GRIN2A: variants seen among roughly 807,000 people sequenced by gnomAD.
GRIN2A encodes glutamate receptor ionotropic, NMDA 2A.
A neutral mutation model predicts 113.4 loss-of-function variants in GRIN2A; 22 were observed. That is an observed-to-expected ratio of 0.19 (90% CI 0.14 to 0.28). The LOEUF is 0.28. GRIN2A is among the 10% of genes least tolerant of loss of function. The pLI is 1.00. For synonymous variants in GRIN2A, 827 were observed against 738.4 expected, an observed-to-expected ratio of 1.12 and a Z score of -1.94; for missense variants, 1,502 against 1,887.0, an observed-to-expected ratio of 0.80 and a Z score of 3.78.
At chr16:9,908,790 G>A (rs960381152) in intron 3 of GRIN2A, among the ~76,000 whole-genome samples, 7 of 152,206 alleles carry the variant, frequency 4.6e-5, no homozygotes, top group African/African-American at 9.7e-5. Flanking sequence ...GATGGATTGC[G>A]TCCAGAGCTG....
At chr16:10,040,017 A>C (rs370401483) in intron 2 of GRIN2A, among the ~76,000 whole-genome samples, 10 of 496 alleles carry the variant, frequency 0.02, no homozygotes, top group African/African-American at 0.04. Context: ...ACATCCACAC[A>C]CCACACACAA....
At position 9,860,264 on chromosome 16, in the gene GRIN2A, T is replaced by C. The variant is rs2043042455; in HGVS notation, c.1123-10303A>G. Among the ~76,000 whole-genome samples, 6 of 151,894 alleles carry C rather than the reference T, an allele frequency of 4.0e-5. No individual in the cohort carries two copies. In the South Asian group the frequency reaches 1.3e-3, roughly 32 times the overall value. Reference sequence around the variant, plus strand: ...CGAGATCAGGAGTTCCAGATCAGCCTGGCCAACATGGTGAAACCCCATCTG... The same window carrying C: ...CGAGATCAGGAGTTCCAGATCAGCCCGGCCAACATGGTGAAACCCCATCTG... On this transcript the variant is annotated intron_variant, in intron 4 of 12. Transcript: ENST00000330684.
At position 10,024,187 on chromosome 16, in the gene GRIN2A, A is replaced by G. The variant is rs528292128; in HGVS notation, c.415-85636T>C. Among the ~76,000 whole-genome samples the G allele has an allele frequency of 2.6e-5, 4 of 152,272 alleles. No homozygotes were observed. The South Asian group carries it at 8.3e-4, about 32-fold the overall frequency. On this transcript the variant is annotated intron_variant, in intron 2 of 12. Transcript: ENST00000330684. ...TTGGATTTTTGGCTCATTGCAGACT[A>G]ATGATGCACAAGTGGTCTCATTAAT...
At chr16:10,086,113 T>C (rs1214431336) in intron 2 of GRIN2A, among the ~76,000 whole-genome samples, 1 of 152,170 alleles carries the variant, frequency 6.6e-6, no homozygotes, top group Non-Finnish European at 1.5e-5. Flanking sequence ...TTTGTTGAAT[T>C]GGATGACACC....
chr16:10,177,400 C>A (rs1333222136), intron 2 of GRIN2A, among the ~76,000 whole-genome samples: 1 of 152,182 alleles, frequency 6.6e-6, no homozygotes, highest in Non-Finnish European at 1.5e-5. Flanking sequence ...CTTGCCTCAT[C>A]TCCCTACAGT....
intron 2 of GRIN2A, among the ~76,000 whole-genome samples, chr16:9,977,023 AAG>A (rs1409393879): frequency 8.5e-5 from 13 of 152,222 alleles, no homozygotes; most frequent in African/African-American, 3.1e-4. Flanking sequence ...ACAACAAAGA[AAG>A]AGTTGACTCT....
At chr16:9,871,173 C>G (rs1238719266) in intron 4 of GRIN2A, among the ~76,000 whole-genome samples, 1 of 152,152 alleles carries the variant, frequency 6.6e-6, no homozygotes, top group Non-Finnish European at 1.5e-5. Context: ...ACCTTCCACC[C>G]AGCTCTGAGT....
chr16:9,941,016 T>C (rs549201009), intron 2 of GRIN2A, among the ~76,000 whole-genome samples: 1 of 152,172 alleles, frequency 6.6e-6, no homozygotes, highest in Non-Finnish European at 1.5e-5. Flanking sequence ...AGAAATGTGA[T>C]AGCTCCCATG....
At position 9,764,375 on chromosome 16, in the gene GRIN2A, C is replaced by A. The variant is rs1187237144; in HGVS notation, c.3169G>T (p.Ala1057Ser). The A allele has an allele frequency of 1.9e-6, 3 of 1,614,086 alleles. No individual in the cohort carries two copies. Among genetic ancestry groups the A allele is most frequent in the Non-Finnish European group, 2.5e-6 (3 of 1,179,990 alleles). ...GACGTTTCTGAAATGTCAGAGTGGG[C>A]CATCTCTTCTGGAAGATACCTAGGG... The part of the protein sequence containing the change: ...KSPRYLPEEM[A>S]HSDISETSNR... Residue 1057 changes from alanine to serine, a missense_variant, in exon 13 of 13, where the codon GCC (alanine) becomes TCC (serine). This residue lies in a region of GRIN2A where 832 missense variants were observed against 789.7 expected (regional missense o/e 1.05). Coordinates refer to ENST00000330684, the MANE Select transcript of GRIN2A (RefSeq NM_001134407.3).
intron 11 of GRIN2A, among the ~76,000 whole-genome samples, chr16:9,783,219 T>G (rs933814711): frequency 1.3e-5 from 2 of 152,220 alleles, no homozygotes; most frequent in Non-Finnish European, 2.9e-5. Context: ...AAAATTAGAC[T>G]CAATCAACGG....
chr16:10,025,505 T>C (rs1251062120), intron 2 of GRIN2A, among the ~76,000 whole-genome samples: 1 of 151,946 alleles, frequency 6.6e-6, no homozygotes, highest in Non-Finnish European at 1.5e-5. Context: ...TCTCCCTGTG[T>C]TCCCCAGGCT....
At chr16:10,035,057 G>A (rs186508835) in intron 2 of GRIN2A, among the ~76,000 whole-genome samples, 20 of 148,564 alleles carry the variant, frequency 1.3e-4, no homozygotes, top group South Asian at 1.1e-3. Context: ...ACAGGGTCTC[G>A]TTCTGTCACC....
chr16:10,150,607 T>C (rs190443534), intron 2 of GRIN2A, among the ~76,000 whole-genome samples: 1 of 152,090 alleles, frequency 6.6e-6, no homozygotes, highest in Non-Finnish European at 1.5e-5. Context: ...TCCCCAGACA[T>C]GGCAAGCCCA....
chr16:10,114,773 G>A (rs1474320942), intron 2 of GRIN2A, among the ~76,000 whole-genome samples: 1 of 152,200 alleles, frequency 6.6e-6, no homozygotes, highest in Non-Finnish European at 1.5e-5. Context: ...TGTCCTATAT[G>A]AGCCAAATAG....
At chr16:9,798,920 T>C (rs1236450947) in intron 10 of GRIN2A, among the ~76,000 whole-genome samples, 1 of 152,248 alleles carries the variant, frequency 6.6e-6, no homozygotes, top group Admixed American at 6.5e-5. Flanking sequence ...TTATTTATCA[T>C]ACAGAAATTA....
At chr16:10,011,622 T>C (rs1422879072) in intron 2 of GRIN2A, among the ~76,000 whole-genome samples, 5 of 152,210 alleles carry the variant, frequency 3.3e-5, no homozygotes, top group Non-Finnish European at 7.3e-5. Flanking sequence ...AGAGAGGCTC[T>C]CCTTATTCAT....
At chr16:9,779,820 G>A (rs1328607983) in intron 11 of GRIN2A, among the ~76,000 whole-genome samples, 1 of 152,208 alleles carries the variant, frequency 6.6e-6, no homozygotes, top group Non-Finnish European at 1.5e-5. Flanking sequence ...GGCACCAGAT[G>A]GGGTGAGACA....
At chr16:10,028,815 G>T (rs947155712) in intron 2 of GRIN2A, among the ~76,000 whole-genome samples, 1 of 152,196 alleles carries the variant, frequency 6.6e-6, no homozygotes, top group African/African-American at 2.4e-5. Flanking sequence ...AGCTTCCTTA[G>T]ATGATCTGTA....
At chr16:10,142,627 A>G (rs1408018966) in intron 2 of GRIN2A, among the ~76,000 whole-genome samples, 6 of 152,208 alleles carry the variant, frequency 3.9e-5, no homozygotes, top group African/African-American at 1.4e-4. Context: ...TGAGCCCAGG[A>G]GTTCAAGGCT....
Sources: allele counts gnomAD v4.1 joint callset (sites outside exome capture counted in the v4.1 genomes callset), GRCh38; gene constraint gnomAD v4.1.1; regional missense constraint gnomAD v4.1.1; transcripts MANE v1.5; gene names NCBI Gene and HGNC (gene_info 2026-07-23, HGNC 2026-07-21).